BIRC6: variants seen among roughly 807,000 people sequenced by gnomAD.
BIRC6 encodes baculoviral IAP repeat containing 6.
In BIRC6, 98 loss-of-function variants were observed where a neutral mutation model predicts 503.3. The ratio of observed to expected loss-of-function variants is 0.19; its 90% CI spans 0.17 to 0.23. The LOEUF is 0.23. Among genes scored for constraint, BIRC6 ranks in the 10% least tolerant of loss-of-function variants. The probability of loss-of-function intolerance (pLI) is 1.00; values close to 1 mark genes in which losing one functional copy is unlikely to be tolerated. For missense variants in BIRC6, 5,360 were observed against 5,806.0 expected, an observed-to-expected ratio of 0.92 and a Z score of 2.50; for synonymous variants, 2,240 against 2,078.7, an observed-to-expected ratio of 1.08 and a Z score of -2.11.
rs1407956161 is a variant in BIRC6, at chr2:32,448,925, T to G, written c.4615T>G (p.Ser1539Ala). 1 of 1,608,438 alleles carries G rather than the reference T, an allele frequency of 6.2e-7. No homozygotes were observed. The highest frequency in any genetic ancestry group is 2.2e-5 in the East Asian group (1 of 44,804). Residue 1539 changes from serine to alanine, a missense_variant, in exon 22 of 74, where the codon TCA (serine) becomes GCA (alanine). Ser to Ala is a moderately conservative substitution (Grantham distance 99, BLOSUM62 1). Around this residue, in one of 16 missense-constraint regions of BIRC6, gnomAD observed 2,299 missense variants for 2,267.2 expected, o/e 1.01. Transcript: ENST00000421745. ...TGAAATTGATTTATCAGATGTCCTT[T>G]CAGGTAGTGATTTCTTTTATTAAAG... ...SDEIDLSDVL[S>A]GNGKVSSCTA...
rs1270089528 is a variant in BIRC6, at chr2:32,607,602, A to G, written c.14218A>G (p.Met4740Val). 1 of 1,612,912 alleles carries G rather than the reference A, an allele frequency of 6.2e-7. No homozygotes were observed. The highest frequency in any genetic ancestry group is 8.5e-7 in the Non-Finnish European group (1 of 1,179,426). Residue 4740 changes from methionine (M) to valine (V), a missense_variant, in exon 72 of 74, where the codon ATG becomes GTG. Met to Val is a conservative substitution (Grantham distance 21). Around this residue, in one of 16 missense-constraint regions of BIRC6, gnomAD observed 40 missense variants for 53.4 expected, o/e 0.75. Transcript: ENST00000421745. ...TCGACAAGCAACAGTTAAGTGGGCA[A>G]TGCTAGAACAAATCAGAAACCCTTC... ...NIRQATVKWA[M>V]LEQIRNPSPC...
At chr2:32,369,926 T>TAAAAAAAAAA (rs756693528) in intron 1 of BIRC6, among the ~76,000 whole-genome samples, 8 of 37,786 alleles carry the variant, frequency 2.1e-4, no homozygotes, top group Admixed American at 7.0e-4. Context: ...CCCTGTCTCT[T>TAAAAAAAAAA]AAAAAAAAAA....
At chr2:32,568,974 A>G (rs1028338217) in intron 65 of BIRC6, among the ~76,000 whole-genome samples, 5 of 146,834 alleles carry the variant, frequency 3.4e-5, no homozygotes, top group South Asian at 2.1e-4. Flanking sequence ...GGAGTCTCCC[A>G]TGTCTCTCTC....
chr2:32,464,943 A>G, intron 25 of BIRC6, 120 bp downstream of exon 25: 1 of 1,376,194 alleles, frequency 7.3e-7, no homozygotes, highest in Middle Eastern at 1.9e-4. Flanking sequence ...TTTCTTTTAT[A>G]AAATATTACA....
At position 32,595,128 on chromosome 2, in the gene BIRC6, G is replaced by A; in HGVS notation, c.13596G>A (p.Met4532Ile). The A allele has an allele frequency of 6.3e-7, 1 of 1,588,212 alleles. No homozygotes were observed. The highest frequency in any genetic ancestry group is 8.5e-7 in the Non-Finnish European group (1 of 1,171,046). The change falls in exon 68 of 74, where the codon ATG becomes ATA. Residue 4532 changes from methionine to isoleucine, a missense_variant. Met to Ile is a conservative substitution (Grantham distance 10). Around this residue, in one of 16 missense-constraint regions of BIRC6, gnomAD observed 477 missense variants for 574.4 expected, o/e 0.83. Transcript: ENST00000421745. The stretch of plus-strand genomic sequence containing the variant: ...TTGAAGAAAAATATGTGGCTGTTAT[G>A]AAGAAATTACAGTTTGGTAAGATGA... ...KSLEEKYVAV[M>I]KKLQFDTFEM...
intron 61 of BIRC6, among the ~76,000 whole-genome samples, chr2:32,538,484 T>C (rs1252024321): frequency 6.6e-6 from 1 of 152,046 alleles, no homozygotes; most frequent in Non-Finnish European, 1.5e-5. Flanking sequence ...ACTTGAGAAA[T>C]AAGGGAAAAA....
At chr2:32,434,850 ACT>A (rs1319915925) in intron 13 of BIRC6, among the ~76,000 whole-genome samples, 1 of 152,082 alleles carries the variant, frequency 6.6e-6, no homozygotes, top group Non-Finnish European at 1.5e-5. Flanking sequence ...ACAGAGTGAG[ACT>A]CTGTCTGAAA....
At chr2:32,465,492 C>T (rs1026832342) in intron 26 of BIRC6, among the ~76,000 whole-genome samples, 1 of 151,970 alleles carries the variant, frequency 6.6e-6, no homozygotes, top group Non-Finnish European at 1.5e-5. Context: ...CTAAAACTAG[C>T]CTTCTTATAG....
At chr2:32,448,703 TGTTA>T in intron 21 of BIRC6, 88 bp from the exon 22 acceptor site, 2 of 1,161,942 alleles carry the variant, frequency 1.7e-6, no homozygotes, top group Non-Finnish European at 1.2e-6. Flanking sequence ...CCCTCTGCGC[TGTTA>T]GTCAGACTGC....
rs10528992 is a variant in BIRC6, at chr2:32,508,276, C to CTTTTTTTT, written c.9980+37_9980+44dup. The CTTTTTTTT allele has an allele frequency of 2.9e-4, 253 of 864,666 alleles. 8 individuals carry two copies. Among genetic ancestry groups the CTTTTTTTT allele is most frequent in the African/African-American group, 2.7e-3 (72 of 26,264 alleles). The allele number at this position is 864,666 out of a possible 1,614,324, so 53.6% of individuals were successfully genotyped here. A position where few individuals can be genotyped will look rare whatever the true frequency, so the allele number is the denominator to read the frequency against. ...CAAAACAAGGTATGTTTTGTTTGTC[C>CTTTTTTTT]TTTTTTTTTTTTTTTTTTTTTTTTT... On this transcript the variant is annotated intron_variant, in intron 51 of 73. Transcript: ENST00000421745.
intron 69 of BIRC6, among the ~76,000 whole-genome samples, chr2:32,599,291 T>A (rs2061889422): frequency 6.7e-6 from 1 of 148,936 alleles, no homozygotes; most frequent in South Asian, 2.1e-4. Flanking sequence ...ATCACACCAT[T>A]GGACTCCAGC....
At chr2:32,491,807 G>C (rs185419805) in intron 44 of BIRC6, among the ~76,000 whole-genome samples, 1 of 152,158 alleles carries the variant, frequency 6.6e-6, no homozygotes, top group East Asian at 1.9e-4. Context: ...ATTAATTTTG[G>C]ATAATTGGAA....
Position 32,443,412 on chromosome 2 carries a change from T to G in BIRC6, c.4239-79T>G, listed in dbSNP as rs182530567. The G allele has an allele frequency of 5.6e-4, 524 of 936,258 alleles. 3 individuals carry two copies. In the African/African-American group the frequency reaches 7.3e-3, roughly 13 times the overall value. 58.0% of individuals were successfully genotyped at this position (936,258 alleles called of 1,614,324 possible). A position where few individuals can be genotyped will look rare whatever the true frequency, so the allele number is the denominator to read the frequency against. On this transcript the variant is annotated intron_variant, in intron 19 of 73. Coordinates refer to ENST00000421745, the MANE Select transcript of BIRC6 (RefSeq NM_016252.4). ...GTATAGAATACATTTTAAAGATTTTTAGGTACCACACCAGGTTTAGGGTTG... is the reference window on the plus strand; with the variant it reads ...GTATAGAATACATTTTAAAGATTTTGAGGTACCACACCAGGTTTAGGGTTG...
intron 73 of BIRC6, among the ~76,000 whole-genome samples, chr2:32,616,551 C>T (rs1235922120): frequency 8.4e-6 from 1 of 118,958 alleles, no homozygotes; most frequent in Non-Finnish European, 1.7e-5. Context: ...CACAGTGAGA[C>T]CTTGTTCTCA....
chr2:32,586,731 A>G (rs1175855531), intron 66 of BIRC6, among the ~76,000 whole-genome samples: 1 of 152,054 alleles, frequency 6.6e-6, no homozygotes, highest in Non-Finnish European at 1.5e-5. Flanking sequence ...AATCTCAACC[A>G]GTCTTAATTA....
intron 45 of BIRC6, among the ~76,000 whole-genome samples, chr2:32,495,795 T>G (rs1558888005): frequency 6.7e-6 from 1 of 149,204 alleles, no homozygotes; most frequent in Non-Finnish European, 1.5e-5. Context: ...ATGAAGTTTT[T>G]TTTTTTTTTT....
Position 32,429,302 on chromosome 2 carries a change from T to C in BIRC6, c.3022+7T>C, listed in dbSNP as rs750234106. The C allele has an allele frequency of 6.1e-6, 9 of 1,480,246 alleles. No homozygotes were observed. The highest frequency in any genetic ancestry group is 7.2e-6 in the Non-Finnish European group (8 of 1,117,936). The allele number at this position is 1,480,246 out of a possible 1,614,324, so 91.7% of individuals were successfully genotyped here. On this transcript the variant is annotated splice_region_variant and intron_variant, in intron 11 of 73. Transcript: ENST00000421745. ...TCAAGTCCTGGCATTTCAGGTATGATATTAAATTTTTAAATGATTTTAAAA... is the reference window on the plus strand; with the variant it reads ...TCAAGTCCTGGCATTTCAGGTATGACATTAAATTTTTAAATGATTTTAAAA...
intron 73 of BIRC6, among the ~76,000 whole-genome samples, chr2:32,616,356 G>A (rs1381033184): frequency 6.6e-6 from 1 of 151,550 alleles, no homozygotes; most frequent in Non-Finnish European, 1.5e-5. Flanking sequence ...TTAGGAGTTC[G>A]AGACCAGCCT....
At chr2:32,413,010 C>CTT (rs377340755) in intron 9 of BIRC6, among the ~76,000 whole-genome samples, 7 of 141,522 alleles carry the variant, frequency 4.9e-5, no homozygotes, top group African/African-American at 5.2e-5. Flanking sequence ...ATTGAAAAGA[C>CTT]TTTTTTTTTT....
Sources: allele counts gnomAD v4.1 joint callset (sites outside exome capture counted in the v4.1 genomes callset), GRCh38; gene constraint gnomAD v4.1.1; regional missense constraint gnomAD v4.1.1; transcripts MANE v1.5; gene names NCBI Gene and HGNC (gene_info 2026-07-23, HGNC 2026-07-21).